The following NEURL1 variants were observed in gnomAD, a reference collection of about 807,000 sequenced individuals.
The protein encoded by NEURL1 is E3 ubiquitin-protein ligase NEURL1.
In NEURL1, 26 loss-of-function variants were observed where a neutral mutation model predicts 41.2. That is an observed-to-expected ratio of 0.63 (90% CI 0.46 to 0.87). The LOEUF (loss-of-function observed/expected upper bound fraction) is 0.87, where lower values mean the gene tolerates loss of function less well. NEURL1 is among the 40% of genes least tolerant of loss of function. The pLI is 0.00. For missense variants in NEURL1, 761 were observed against 871.1 expected (o/e 0.87, Z 1.59); for synonymous variants, 400 against 402.3 (o/e 0.99, Z 0.07).
Position 103,584,771 on chromosome 10 carries a change from T to G in NEURL1, c.885T>G (p.Arg295=). The stretch of plus-strand genomic sequence containing the variant: ...CGGCGCAGCTCGACGGCGACCTGCG[T>G]TTCCACGCCCTGCGCGCCGGCGCGC... ...ALPAQLDGDL[R]FHALRAGAHV... Residue 295 remains arginine (R), a synonymous_variant, in exon 4 of 6, where the codon CGT becomes CGG. Coordinates refer to ENST00000369780, the MANE Select transcript of NEURL1 (RefSeq NM_004210.5). 1 of 1,448,672 alleles carries G rather than the reference T, an allele frequency of 6.9e-7. No homozygotes were observed. The allele number at this position is 1,448,672 out of a possible 1,614,324, so 89.7% of individuals were successfully genotyped here. A position where few individuals can be genotyped will look rare whatever the true frequency, so the allele number is the denominator to read the frequency against.
chr10:103,559,428 G>C (rs2035233519), intron 1 of NEURL1, among the ~76,000 whole-genome samples: 1 of 152,168 alleles, frequency 6.6e-6, no homozygotes, highest in African/African-American at 2.4e-5. Context: ...GGTGGACAGA[G>C]GCCCTTGCCT....
chr10:103,534,793 C>A (rs550521327), intron 1 of NEURL1, among the ~76,000 whole-genome samples: 1 of 152,008 alleles, frequency 6.6e-6, no homozygotes, highest in South Asian at 2.1e-4. Context: ...GTCTTGCAAG[C>A]GTATTATGCC....
intron 1 of NEURL1, among the ~76,000 whole-genome samples, chr10:103,554,142 C>T (rs1256035603): frequency 3.3e-5 from 5 of 152,254 alleles, no homozygotes; most frequent in East Asian, 1.9e-4. Flanking sequence ...TCTGGGCTCC[C>T]GGCATGCCTG....
intron 5 of NEURL1, 45 bp downstream of exon 5, chr10:103,589,705 G>T: frequency 6.4e-7 from 1 of 1,572,116 alleles, no homozygotes; most frequent in South Asian, 1.2e-5. Context: ...ATGTGGGACT[G>T]CAGCAAGGAT....
intron 1 of NEURL1, among the ~76,000 whole-genome samples, chr10:103,506,480 G>A (rs2033947625): frequency 6.6e-6 from 1 of 152,140 alleles, no homozygotes; most frequent in Non-Finnish European, 1.5e-5. Flanking sequence ...TCAGGGCCCT[G>A]CCTTGTCCAA....
intron 1 of NEURL1, among the ~76,000 whole-genome samples, chr10:103,509,253 GAGAA>G (rs1247142113): frequency 4.8e-5 from 7 of 144,662 alleles, no homozygotes; most frequent in African/African-American, 1.6e-4. Context: ...AAAAAAAAAA[GAGAA>G]AGAAACCAAA....
chr10:103,529,594 G>T (rs1280808795), intron 1 of NEURL1, among the ~76,000 whole-genome samples: 1 of 152,178 alleles, frequency 6.6e-6, no homozygotes, highest in African/African-American at 2.4e-5. Context: ...TGTTACAAAA[G>T]AAAACAGTTG....
chr10:103,532,800 A>G (rs1161574166), intron 1 of NEURL1, among the ~76,000 whole-genome samples: 2 of 151,592 alleles, frequency 1.3e-5, no homozygotes, highest in African/African-American at 4.9e-5. Flanking sequence ...TTTGGGTTAA[A>G]TCTATTTGGG....
intron 1 of NEURL1, among the ~76,000 whole-genome samples, chr10:103,524,848 A>G (rs2034428804): frequency 1.3e-5 from 2 of 151,546 alleles, no homozygotes; most frequent in South Asian, 2.1e-4. Context: ...GGTCTTTTTA[A>G]TATATTTTGA....
intron 4 of NEURL1, chr10:103,588,678 G>A (rs929287262): frequency 1.2e-5 from 5 of 421,786 alleles, no homozygotes; most frequent in East Asian, 7.6e-5. Flanking sequence ...CGGGCGCAGC[G>A]GCTCACCCCA....
chr10:103,529,242 CT>C (rs1442384939), intron 1 of NEURL1, among the ~76,000 whole-genome samples: 1 of 152,132 alleles, frequency 6.6e-6, no homozygotes, highest in East Asian at 1.9e-4. Context: ...ATATAGGCAC[CT>C]TTTAAAATTG....
At chr10:103,564,074 G>C (rs1202509903) in intron 1 of NEURL1, among the ~76,000 whole-genome samples, 1 of 152,178 alleles carries the variant, frequency 6.6e-6, no homozygotes, top group African/African-American at 2.4e-5. Context: ...CAGTGGTTCT[G>C]GGGCAGAGCT....
At chr10:103,504,869 A>G (rs1290736770) in intron 1 of NEURL1, among the ~76,000 whole-genome samples, 4 of 152,094 alleles carry the variant, frequency 2.6e-5, no homozygotes. Flanking sequence ...GGGATCAGGG[A>G]AGGTTTCTCT....
chr10:103,524,751 G>T (rs1255446587), intron 1 of NEURL1, among the ~76,000 whole-genome samples: 2 of 152,068 alleles, frequency 1.3e-5, no homozygotes, highest in Admixed American at 1.3e-4. Flanking sequence ...AATCAGTTTT[G>T]CTATAAATAC....
At chr10:103,551,530 C>T (rs2035032144) in intron 1 of NEURL1, among the ~76,000 whole-genome samples, 1 of 152,156 alleles carries the variant, frequency 6.6e-6, no homozygotes, top group Admixed American at 6.5e-5. Context: ...TCTTGAACTC[C>T]TGACCTCAAG....
At chr10:103,582,958 G>A (rs886163917) in intron 3 of NEURL1, among the ~76,000 whole-genome samples, 1 of 152,172 alleles carries the variant, frequency 6.6e-6, no homozygotes, top group African/African-American at 2.4e-5. Flanking sequence ...GCCACATGGC[G>A]GCTGTCATAA....
intron 3 of NEURL1, chr10:103,577,856 G>A (rs1018433157): frequency 6.6e-6 from 1 of 152,244 alleles, no homozygotes; most frequent in African/African-American, 2.4e-5. Flanking sequence ...TTATTCCTGT[G>A]CACTCTAGTT....
At chr10:103,512,501 C>G (rs1476863463) in intron 1 of NEURL1, among the ~76,000 whole-genome samples, 1 of 152,188 alleles carries the variant, frequency 6.6e-6, no homozygotes, top group Non-Finnish European at 1.5e-5. Context: ...TTAGTCATTT[C>G]TAAGATGGGA....
intron 1 of NEURL1, among the ~76,000 whole-genome samples, chr10:103,562,882 G>A (rs2035334000): frequency 6.6e-6 from 1 of 152,210 alleles, no homozygotes; most frequent in African/African-American, 2.4e-5. Context: ...AGGTGTGGGA[G>A]GTGGAGGCCC....
Sources: allele counts gnomAD v4.1 joint callset (sites outside exome capture counted in the v4.1 genomes callset), GRCh38; gene constraint gnomAD v4.1.1; transcripts MANE v1.5; gene names NCBI Gene and HGNC (gene_info 2026-07-23, HGNC 2026-07-21).